Variants in PCDH15 observed in about 807,000 individuals in gnomAD.
PCDH15 encodes the protein protocadherin-15.
A neutral mutation model predicts 178.5 loss-of-function variants in PCDH15; 129 were observed. The observed-to-expected ratio is 0.72, with a 90% CI of 0.63 to 0.84. The LOEUF is 0.84. Ranked by LOEUF, PCDH15 falls within the 40% of genes least tolerant of loss-of-function variation. PCDH15 has a pLI of 0.00. For synonymous variants in PCDH15, 800 were observed against 732.0 expected (o/e 1.09, Z -1.50); for missense variants, 2,230 against 2,099.9 (o/e 1.06, Z -1.21).
rs557375339 is a variant in PCDH15 at position 55,620,092 on chromosome 10, C to T, written c.-156+7533G>A. On this transcript the variant is annotated intron_variant, in intron 2 of 5. Transcript: ENST00000613346. Reference sequence around the variant, plus strand: ...CAGTTAATAATACAGATTCACTGTACTGTTTCACCAAATTTAACCCGTTAT... The same window carrying T: ...CAGTTAATAATACAGATTCACTGTATTGTTTCACCAAATTTAACCCGTTAT... 5.3e-5 allele frequency among the ~76,000 whole-genome samples: 8 copies of T among 152,140 alleles called. No homozygotes were observed. In the South Asian group the frequency reaches 1.2e-3, roughly 24 times the overall value.
chr10:54,814,727 G>T (rs915329499), intron 3 of PCDH15, among the ~76,000 whole-genome samples: 1 of 152,030 alleles, frequency 6.6e-6, no homozygotes, highest in Non-Finnish European at 1.5e-5. Context: ...GCAATTTTTT[G>T]AATTTTTGCA....
At chr10:55,513,474 T>A (rs1346526475) in intron 2 of PCDH15, among the ~76,000 whole-genome samples, 2 of 152,120 alleles carry the variant, frequency 1.3e-5, no homozygotes, top group Non-Finnish European at 2.9e-5. Flanking sequence ...AGATATTTTT[T>A]AAAATTAAAT....
chr10:54,740,150 A>G (rs1395472374), intron 1 of PCDH15, among the ~76,000 whole-genome samples: 2 of 152,042 alleles, frequency 1.3e-5, no homozygotes, highest in Non-Finnish European at 2.9e-5. Flanking sequence ...AAAAGGGTTA[A>G]TAATCAGAAT....
chr10:55,089,156 T>C (rs1007218032), intron 2 of PCDH15, among the ~76,000 whole-genome samples: 1 of 152,150 alleles, frequency 6.6e-6, no homozygotes, highest in African/African-American at 2.4e-5. Context: ...GTTTAATGTT[T>C]CATAAAACCA....
At chr10:54,919,847 C>A (rs975535583) in intron 2 of PCDH15, among the ~76,000 whole-genome samples, 1 of 151,996 alleles carries the variant, frequency 6.6e-6, no homozygotes, top group Admixed American at 6.6e-5. Flanking sequence ...ACAACCTTCC[C>A]ATTTGAGGAT....
chr10:53,987,643 G>A (rs1006826213), intron 21 of PCDH15, among the ~76,000 whole-genome samples: 1 of 152,138 alleles, frequency 6.6e-6, no homozygotes, highest in African/African-American at 2.4e-5. Context: ...AGATGCCTCA[G>A]ACACATGAAA....
chr10:54,310,525 A>C (rs1386173945), intron 8 of PCDH15, among the ~76,000 whole-genome samples: 1 of 152,040 alleles, frequency 6.6e-6, no homozygotes, highest in Non-Finnish European at 1.5e-5. Context: ...CAGGAGTAAC[A>C]ATACATAGTA....
At chr10:54,007,862 C>T (rs10509003) in intron 20 of PCDH15, among the ~76,000 whole-genome samples, 50,395 of 151,896 alleles carry the variant, frequency 0.33, 10,140 homozygotes, top group Middle Eastern at 0.55. Context: ...TATCTCCTAG[C>T]GAATACCATA....
At chr10:54,388,162 G>C (rs1950136546) in intron 3 of PCDH15, among the ~76,000 whole-genome samples, 1 of 152,108 alleles carries the variant, frequency 6.6e-6, no homozygotes, top group African/African-American at 2.4e-5. Flanking sequence ...TTGCTACAAG[G>C]CATTAGGATC....
chr10:55,464,231 A>G (rs1405625702), intron 2 of PCDH15, among the ~76,000 whole-genome samples: 1 of 152,162 alleles, frequency 6.6e-6, no homozygotes, highest in Non-Finnish European at 1.5e-5. Flanking sequence ...ACGTCAGAAC[A>G]ATGATCAGAA....
chr10:54,406,383 A>C (rs1288514564), intron 3 of PCDH15, among the ~76,000 whole-genome samples: 1 of 152,176 alleles, frequency 6.6e-6, no homozygotes, highest in Admixed American at 6.6e-5. Context: ...GAATTAGTCA[A>C]CTTTATCCTT....
intron 21 of PCDH15, among the ~76,000 whole-genome samples, chr10:53,990,695 C>T (rs1048826837): frequency 2.6e-5 from 4 of 152,048 alleles, no homozygotes; most frequent in East Asian, 1.9e-4. Context: ...TCGGACTCGG[C>T]GTCCACTCTG....
chr10:54,870,621 T>C (rs931002266), intron 3 of PCDH15, among the ~76,000 whole-genome samples: 8 of 151,462 alleles, frequency 5.3e-5, no homozygotes, highest in African/African-American at 1.9e-4. Context: ...CCGTCTCTAC[T>C]AAAAATACAA....
chr10:54,292,767 G>C (rs2059502659), intron 8 of PCDH15, among the ~76,000 whole-genome samples: 1 of 152,100 alleles, frequency 6.6e-6, no homozygotes, highest in African/African-American at 2.4e-5. Context: ...CAAGGGATGT[G>C]AGGGACCTTT....
At chr10:53,846,053 C>CAA (rs1554829232) in intron 28 of PCDH15, among the ~76,000 whole-genome samples, 1 of 147,474 alleles carries the variant, frequency 6.8e-6, no homozygotes, top group African/African-American at 2.5e-5. Context: ...CACACACAAA[C>CAA]AAAAAAAGAA....
At chr10:55,574,733 T>C (rs1842466397) in intron 2 of PCDH15, among the ~76,000 whole-genome samples, 1 of 151,958 alleles carries the variant, frequency 6.6e-6, no homozygotes, top group African/African-American at 2.4e-5. Flanking sequence ...AACAATATAA[T>C]AGACAATAAA....
At position 54,288,886 on chromosome 10, in the gene PCDH15, A is replaced by G. The variant is rs536440960; in HGVS notation, c.876+28385T>C. On this transcript the variant is annotated intron_variant, in intron 8 of 37. Coordinates refer to ENST00000644397, the MANE Select transcript of PCDH15 (RefSeq NM_001384140.1). ...GAGCTCGAACTGGGCAGAGCCCACC[A>G]CAGCTCAGCAAGGCCTACTGCCTCT... 3.7e-3 allele frequency among the ~76,000 whole-genome samples: 570 copies of G among 152,352 alleles called. 3 individuals are homozygous for G. Among genetic ancestry groups the G allele is most frequent in the African/African-American group, 0.013 (523 of 41,582 alleles).
At chr10:55,578,248 C>T (rs1589151165) in intron 2 of PCDH15, among the ~76,000 whole-genome samples, 1 of 151,940 alleles carries the variant, frequency 6.6e-6, no homozygotes, top group Non-Finnish European at 1.5e-5. Context: ...GACGGAGTCT[C>T]ACTCTATCAC....
intron 1 of PCDH15, among the ~76,000 whole-genome samples, chr10:55,299,066 T>C (rs576811351): frequency 5.3e-5 from 8 of 152,294 alleles, no homozygotes; most frequent in African/African-American, 1.9e-4. Context: ...TATTATTACT[T>C]CACTGTATAT....
Sources: allele counts gnomAD v4.1 joint callset (sites outside exome capture counted in the v4.1 genomes callset), GRCh38; gene constraint gnomAD v4.1.1; transcripts MANE v1.5; gene names NCBI Gene and HGNC (gene_info 2026-07-23, HGNC 2026-07-21).